Variants in DYNC2LI1 observed in about 807,000 individuals in gnomAD.
The protein encoded by DYNC2LI1 is dynein cytoplasmic 2 light intermediate chain 1, also known as cytoplasmic dynein 2 light intermediate chain 1.
A neutral mutation model predicts 51.9 loss-of-function variants in DYNC2LI1; 45 were observed. That is an observed-to-expected ratio of 0.87 (90% CI 0.68 to 1.11). DYNC2LI1 has a LOEUF of 1.11. Ranked by LOEUF, DYNC2LI1 falls within the 50% of genes most tolerant of loss-of-function variation. DYNC2LI1 has a pLI of 0.00. For missense variants in DYNC2LI1, 490 were observed against 417.4 expected, an observed-to-expected ratio of 1.17 and a Z score of -1.51; for synonymous variants, 130 against 137.8, an observed-to-expected ratio of 0.94 and a Z score of 0.40.
the DYNC2LI1 span, chr2:43,824,440 T>C: frequency 6.2e-7 from 1 of 1,613,270 alleles, no homozygotes; most frequent in African/African-American, 1.3e-5. Flanking sequence ...CCACTAAAAG[T>C]TTTTCCCAAA....
downstream of DYNC2LI1, chr2:43,813,091 T>C: frequency 1.1e-6 from 1 of 943,814 alleles, no homozygotes; most frequent in East Asian, 2.4e-5. Flanking sequence ...CAGCTTCACT[T>C]CCATTTTCCC....
chr2:43,782,871 A>G (rs573890018), intron 2 of DYNC2LI1, among the ~76,000 whole-genome samples: 1 of 152,304 alleles, frequency 6.6e-6, no homozygotes, highest in South Asian at 2.1e-4. Context: ...AATCCCAGCT[A>G]CTTGAGAGGG....
intron 2 of DYNC2LI1, 109 bp downstream of exon 2, chr2:43,777,008 C>A: frequency 1.7e-6 from 1 of 587,838 alleles, no homozygotes; most frequent in Non-Finnish European, 3.0e-6. Context: ...ACCAGATGAC[C>A]AATCTGGTTT....
At chr2:43,823,473 C>A in the DYNC2LI1 span, among the ~76,000 whole-genome samples, 1 of 152,174 alleles carries the variant, frequency 6.6e-6, no homozygotes, top group African/African-American at 2.4e-5. Flanking sequence ...CTTCCTGCAA[C>A]GTTAGGCAAC....
chr2:43,788,195 G>A (rs1673612645), intron 4 of DYNC2LI1, among the ~76,000 whole-genome samples: 1 of 152,136 alleles, frequency 6.6e-6, no homozygotes, highest in Non-Finnish European at 1.5e-5. Context: ...ATCAAATTGT[G>A]AATGGAGGGA....
chr2:43,790,815 C>G (rs1295844931), intron 5 of DYNC2LI1, among the ~76,000 whole-genome samples: 1 of 152,104 alleles, frequency 6.6e-6, no homozygotes, highest in Non-Finnish European at 1.5e-5. Flanking sequence ...TTTTATTTTT[C>G]AGGAACATGG....
intron 5 of DYNC2LI1, chr2:43,794,209 C>G (rs770534355): frequency 8.2e-6 from 3 of 366,816 alleles, no homozygotes; most frequent in Admixed American, 4.2e-5. Flanking sequence ...AACTAAACTA[C>G]TTTTAATTTT....
chr2:43,827,980 T>C, the DYNC2LI1 span: 60 of 1,613,888 alleles, frequency 3.7e-5, no homozygotes, highest in African/African-American at 7.1e-4. Context: ...GGGTGCCACT[T>C]ACTAGGATCC....
At chr2:43,783,887 A>T (rs570988314) in intron 3 of DYNC2LI1, among the ~76,000 whole-genome samples, 3 of 152,278 alleles carry the variant, frequency 2.0e-5, no homozygotes, top group South Asian at 4.1e-4. Context: ...TTATTTGAAC[A>T]TTCATTGTAA....
the DYNC2LI1 span, among the ~76,000 whole-genome samples, chr2:43,821,195 T>C: frequency 6.6e-6 from 1 of 152,228 alleles, no homozygotes; most frequent in African/African-American, 2.4e-5. Context: ...AGTTTGCTTA[T>C]GCTATCAATG....
At chr2:43,789,408 G>A (rs113611863) in intron 4 of DYNC2LI1, among the ~76,000 whole-genome samples, 2,030 of 152,180 alleles carry the variant, frequency 0.013, 39 homozygotes, top group African/African-American at 0.045. Flanking sequence ...ACTAGAATTA[G>A]GGCATTTGTG....
chr2:43,820,167 C>T, the DYNC2LI1 span: 1 of 1,530,324 alleles, frequency 6.5e-7, no homozygotes, highest in Non-Finnish European at 8.9e-7. Context: ...ACTGCACTTG[C>T]CTCTGTGAAT....
chr2:43,792,808 C>A, intron 5 of DYNC2LI1: 2 of 1,521,382 alleles, frequency 1.3e-6, no homozygotes, highest in East Asian at 2.5e-5. Flanking sequence ...AGGGTTCTTC[C>A]GTTTGTAGTA....
At position 43,776,858 on chromosome 2, in the gene DYNC2LI1, A is replaced by C; in HGVS notation, c.85A>C (p.Ile29Leu). 6.2e-7 allele frequency: 1 copy of C among 1,605,978 alleles called. No individual in the cohort carries two copies. Among genetic ancestry groups the C allele is most frequent in the African/African-American group, 1.3e-5 (1 of 74,576 alleles). Residue 29 changes from isoleucine to leucine, a missense_variant, in exon 2 of 13, where the codon ATT (isoleucine) becomes CTT (leucine). Transcript: ENST00000260605. ...TGGAAGTGAAGGTGATGGAGCTGAA[A>C]TTGCAGAAAAATTTGTTTTCTTCAT... is the stretch of plus-strand genomic sequence containing the variant. ...INGSEGDGAE[I>L]AEKFVFFIGS...
At chr2:43,787,985 C>T (rs1427303948) in intron 4 of DYNC2LI1, among the ~76,000 whole-genome samples, 1 of 151,910 alleles carries the variant, frequency 6.6e-6, no homozygotes, top group Non-Finnish European at 1.5e-5. Flanking sequence ...CCAGGATTCA[C>T]CAATGAAAGT....
intron 2 of DYNC2LI1, among the ~76,000 whole-genome samples, chr2:43,777,415 C>G (rs1355974738): frequency 6.6e-6 from 1 of 152,162 alleles, no homozygotes; most frequent in Non-Finnish European, 1.5e-5. Flanking sequence ...CTTGGCCAAG[C>G]ATACAGAAAG....
At chr2:43,803,809 G>A (rs566642765) in intron 10 of DYNC2LI1, among the ~76,000 whole-genome samples, 106 of 152,256 alleles carry the variant, frequency 7.0e-4, no homozygotes, top group African/African-American at 2.4e-3. Flanking sequence ...ACAGTTTTGG[G>A]GAACAATACA....
At chr2:43,783,669 T>A (rs1673393638) in intron 3 of DYNC2LI1, 115 bp downstream of exon 3, 1 of 641,802 alleles carries the variant, frequency 1.6e-6, no homozygotes, top group African/African-American at 1.9e-5. Flanking sequence ...ACAAAATATT[T>A]AATTCTTAGC....
At chr2:43,774,231 A>T in intron 1 of DYNC2LI1, 85 bp downstream of exon 1, 1 of 1,576,800 alleles carries the variant, frequency 6.3e-7, no homozygotes. Flanking sequence ...AGCTGTTGGA[A>T]GATTGTGGGG....
Sources: gnomAD v4.1 joint callset for allele counts (sites outside exome capture counted in the v4.1 genomes callset) on GRCh38, gnomAD v4.1.1 for gene constraint, MANE v1.5 for transcripts, NCBI Gene and HGNC (gene_info 2026-07-23, HGNC 2026-07-21) for gene names.